BCAS4: variants seen among roughly 807,000 people sequenced by gnomAD.
The protein encoded by BCAS4 is breast carcinoma amplified sequence 4, also known as breast carcinoma-amplified sequence 4.
Under a neutral mutation model 15.7 loss-of-function variants are expected in BCAS4, and 9 were observed. That is an observed-to-expected ratio of 0.57 (90% confidence interval 0.34 to 1.00). The LOEUF is 1.00. Ranked by LOEUF, BCAS4 falls within the 50% of genes least tolerant of loss-of-function variation. The pLI is 0.02. For synonymous variants in BCAS4, 101 were observed against 99.5 expected, an observed-to-expected ratio of 1.02 and a Z score of -0.09; for missense variants, 225 against 239.1, an observed-to-expected ratio of 0.94 and a Z score of 0.39.
intron 4 of BCAS4, among the ~76,000 whole-genome samples, chr20:50,847,197 C>T (rs2088556434): frequency 6.6e-6 from 1 of 152,228 alleles, no homozygotes; most frequent in Middle Eastern, 3.4e-3. Context: ...AGCGATTCTC[C>T]TGCCTCAGCC....
chr20:50,797,291 G>A (rs554413427), intron 1 of BCAS4, among the ~76,000 whole-genome samples: 1 of 152,336 alleles, frequency 6.6e-6, no homozygotes, highest in African/African-American at 2.4e-5. Flanking sequence ...TGTTCTGGAT[G>A]TTAGATAGTT....
intron 4 of BCAS4, among the ~76,000 whole-genome samples, chr20:50,845,391 T>C (rs892422640): frequency 6.6e-6 from 1 of 152,086 alleles, no homozygotes; most frequent in East Asian, 1.9e-4. Context: ...TCAGTTCCCC[T>C]CAGCGCCTCC....
chr20:50,832,957 A>T (rs6020783), intron 3 of BCAS4: 7,964 of 152,374 alleles, frequency 0.052, 235 homozygotes, highest in African/African-American at 0.073. Context: ...GGACTAGGAC[A>T]TGAACATCTT....
chr20:50,871,647 A>C (rs1182952857), intron 4 of BCAS4, among the ~76,000 whole-genome samples: 1 of 152,212 alleles, frequency 6.6e-6, no homozygotes, highest in Non-Finnish European at 1.5e-5. Flanking sequence ...ACGCGCTCCA[A>C]GTGATATTGG....
chr20:50,878,725 T>G (rs1244365763), downstream of BCAS4: 1 of 152,158 alleles, frequency 6.6e-6, no homozygotes, highest in African/African-American at 2.4e-5. Flanking sequence ...GTCTTGAACT[T>G]CTGGGCTCAG....
chr20:50,840,609 G>A (rs959522190), intron 3 of BCAS4: 18 of 1,589,472 alleles, frequency 1.1e-5, no homozygotes, highest in Middle Eastern at 1.8e-4. Flanking sequence ...GACGGCACAC[G>A]CCTCATTACG....
At chr20:50,865,175 G>A (rs988368938) in intron 4 of BCAS4, among the ~76,000 whole-genome samples, 1 of 152,182 alleles carries the variant, frequency 6.6e-6, no homozygotes, top group African/African-American at 2.4e-5. Flanking sequence ...CATGTGACAG[G>A]AGCAAAGCCC....
At chr20:50,872,818 C>G (rs113058185) in intron 4 of BCAS4, among the ~76,000 whole-genome samples, 1,571 of 152,318 alleles carry the variant, frequency 0.01, 34 homozygotes, top group African/African-American at 0.035. Flanking sequence ...TCCAAGGTGT[C>G]AGGCTTGGGC....
chr20:50,874,403 G>T (rs547270804), intron 4 of BCAS4, among the ~76,000 whole-genome samples: 2 of 152,270 alleles, frequency 1.3e-5, no homozygotes, highest in East Asian at 3.9e-4. Context: ...GTCCTACACG[G>T]CTCAGCACCC....
At chr20:50,870,104 A>G (rs1005070673) in intron 4 of BCAS4, among the ~76,000 whole-genome samples, 1 of 152,168 alleles carries the variant, frequency 6.6e-6, no homozygotes, top group Non-Finnish European at 1.5e-5. Context: ...TTCTGTTTAC[A>G]TATCTATGGC....
chr20:50,840,141 T>A (rs1234867956), intron 3 of BCAS4, among the ~76,000 whole-genome samples: 1 of 152,228 alleles, frequency 6.6e-6, no homozygotes, highest in Non-Finnish European at 1.5e-5. Context: ...CCTCCCAAAG[T>A]ATTGAGATTA....
At chr20:50,853,779 G>A (rs1387925552) in intron 4 of BCAS4, among the ~76,000 whole-genome samples, 3,374 of 119,682 alleles carry the variant, frequency 0.028, no homozygotes, top group African/African-American at 0.037. Flanking sequence ...GTACTGGAGG[G>A]TGTTTTGTGT....
At chr20:50,830,448 C>T (rs567996093) in intron 3 of BCAS4, 68 bp downstream of exon 3, 135 of 1,339,880 alleles carry the variant, frequency 1.0e-4, no homozygotes, top group African/African-American at 8.8e-4. Flanking sequence ...TCCGCAAAGA[C>T]GCCGATCTGG....
chr20:50,859,095 C>T (rs960290156), intron 4 of BCAS4, among the ~76,000 whole-genome samples: 35 of 151,860 alleles, frequency 2.3e-4, no homozygotes, highest in African/African-American at 2.4e-5. Context: ...GCCACCATGC[C>T]CGGCTAATTT....
intron 4 of BCAS4, among the ~76,000 whole-genome samples, chr20:50,854,759 AC>A (rs199546856): frequency 2.0e-5 from 3 of 147,462 alleles, no homozygotes; most frequent in East Asian, 2.0e-4. Flanking sequence ...ATTGTTCCAA[AC>A]CCCCCCCACC....
At chr20:50,838,205 C>G (rs960183812) in intron 3 of BCAS4, among the ~76,000 whole-genome samples, 21 of 152,238 alleles carry the variant, frequency 1.4e-4, no homozygotes, top group African/African-American at 5.1e-4. Context: ...CCCATATGGG[C>G]CCTGTCTCCT....
intron 1 of BCAS4, among the ~76,000 whole-genome samples, chr20:50,809,207 T>A (rs201742784): frequency 2.1e-5 from 2 of 94,290 alleles, no homozygotes; most frequent in African/African-American, 7.3e-5. Context: ...ATTTTTTTAA[T>A]TTTTTTTTTT....
chr20:50,826,033 C>A (rs776027513), intron 2 of BCAS4, among the ~76,000 whole-genome samples: 1 of 152,108 alleles, frequency 6.6e-6, no homozygotes, highest in Non-Finnish European at 1.5e-5. Context: ...CAATCCCAGC[C>A]CATACCCCCA....
chr20:50,849,194 A>G (rs1446788966), intron 4 of BCAS4, among the ~76,000 whole-genome samples: 1 of 152,248 alleles, frequency 6.6e-6, no homozygotes, highest in Non-Finnish European at 1.5e-5. Flanking sequence ...CCGCCAAAAC[A>G]TCTTGTTCAC....
Sources: gnomAD v4.1 joint callset for allele counts (sites outside exome capture counted in the v4.1 genomes callset) on GRCh38, gnomAD v4.1.1 for gene constraint, MANE v1.5 for transcripts, NCBI Gene and HGNC (gene_info 2026-07-23, HGNC 2026-07-21) for gene names.